The following CDK14 variants were observed in gnomAD, a reference collection of about 807,000 sequenced individuals.
CDK14 encodes cyclin dependent kinase 14, also known as cyclin-dependent kinase 14.
CDK14 carries 34 observed loss-of-function variants against 60.7 expected under a neutral mutation model. The observed-to-expected ratio is 0.56, with a 90% CI of 0.43 to 0.75. CDK14 has a LOEUF of 0.75. Ranked by LOEUF, CDK14 falls within the 30% of genes least tolerant of loss-of-function variation. CDK14 has a pLI of 0.00. For missense variants in CDK14, 482 were observed against 564.1 expected, an observed-to-expected ratio of 0.85 and a Z score of 1.47; for synonymous variants, 197 against 203.7, an observed-to-expected ratio of 0.97 and a Z score of 0.28.
intron 2 of CDK14, among the ~76,000 whole-genome samples, chr7:90,620,360 G>A (rs1799740976): frequency 6.6e-6 from 1 of 152,058 alleles, no homozygotes. Flanking sequence ...GCATGTCAGG[G>A]GCAATGACAA....
chr7:90,659,583 G>A (rs1217677211), intron 2 of CDK14, among the ~76,000 whole-genome samples: 3 of 152,024 alleles, frequency 2.0e-5, no homozygotes, highest in Non-Finnish European at 4.4e-5. Flanking sequence ...AATTTGGCCC[G>A]CAAGAATATT....
intron 13 of CDK14, among the ~76,000 whole-genome samples, chr7:91,117,549 C>A (rs1197028235): frequency 6.6e-6 from 1 of 152,132 alleles, no homozygotes; most frequent in Non-Finnish European, 1.5e-5. Flanking sequence ...GACCTCCTTC[C>A]ACCCTAAAAC....
intron 8 of CDK14, among the ~76,000 whole-genome samples, chr7:90,926,520 G>A (rs928475019): frequency 2.0e-5 from 3 of 152,126 alleles, no homozygotes; most frequent in Non-Finnish European, 2.9e-5. Context: ...TTAGGGCTCC[G>A]CAGTGCTGGG....
intron 2 of CDK14, among the ~76,000 whole-genome samples, chr7:90,675,498 T>C (rs1801182004): frequency 6.6e-6 from 1 of 152,216 alleles, no homozygotes; most frequent in Non-Finnish European, 1.5e-5. Context: ...CAGTTAACTT[T>C]GGCTATTTTA....
intron 5 of CDK14, among the ~76,000 whole-genome samples, chr7:90,794,039 A>G (rs1805942686): frequency 6.6e-6 from 1 of 152,114 alleles, no homozygotes; most frequent in Admixed American, 6.6e-5. Context: ...GGGAAAGAGT[A>G]CAAAAGAGAG....
intron 2 of CDK14, chr7:90,710,319 C>T: frequency 1.0e-6 from 1 of 985,240 alleles, no homozygotes; most frequent in Non-Finnish European, 1.2e-6. Flanking sequence ...TGAAAGAGAT[C>T]TTACATTTTT....
At chr7:91,028,014 A>G in intron 10 of CDK14, among the ~76,000 whole-genome samples, 1 of 123,168 alleles carries the variant, frequency 8.1e-6, no homozygotes, top group South Asian at 3.2e-4. Context: ...AGTGTATCCA[A>G]TAGGTGATTT....
At chr7:91,144,568 A>G (rs1049832382) in intron 14 of CDK14, among the ~76,000 whole-genome samples, 4 of 152,188 alleles carry the variant, frequency 2.6e-5, no homozygotes, top group Non-Finnish European at 5.9e-5. Flanking sequence ...ATGTTGACAC[A>G]AGGGAGAAGC....
At chr7:90,665,305 T>TA (rs1800953195) in intron 2 of CDK14, among the ~76,000 whole-genome samples, 3 of 151,230 alleles carry the variant, frequency 2.0e-5, no homozygotes, top group Non-Finnish European at 2.9e-5. Flanking sequence ...AATAAATAAA[T>TA]AATAAAAACA....
At chr7:90,931,701 C>T (rs761590127) in intron 8 of CDK14, among the ~76,000 whole-genome samples, 2 of 152,096 alleles carry the variant, frequency 1.3e-5, no homozygotes, top group Non-Finnish European at 2.9e-5. Flanking sequence ...ATAAAAATAC[C>T]ATGCTTGGTT....
chr7:90,684,015 A>T (rs1056299357), intron 2 of CDK14, among the ~76,000 whole-genome samples: 2 of 151,758 alleles, frequency 1.3e-5, no homozygotes, highest in Non-Finnish European at 2.9e-5. Context: ...AACTGTGTCC[A>T]CTTATAACCT....
intron 12 of CDK14, among the ~76,000 whole-genome samples, chr7:91,085,636 A>T (rs1247242822): frequency 6.6e-6 from 1 of 152,114 alleles, no homozygotes; most frequent in East Asian, 1.9e-4. Context: ...TTCCCATTCA[A>T]TCCGGAGTCA....
At chr7:90,763,850 G>A (rs1373518608) in intron 4 of CDK14, among the ~76,000 whole-genome samples, 1 of 152,098 alleles carries the variant, frequency 6.6e-6, no homozygotes, top group Non-Finnish European at 1.5e-5. Flanking sequence ...AAATGGCTTT[G>A]TATAGAGGGG....
At chr7:90,743,244 C>G (rs914322070) in intron 3 of CDK14, among the ~76,000 whole-genome samples, 1 of 152,002 alleles carries the variant, frequency 6.6e-6, no homozygotes, top group Non-Finnish European at 1.5e-5. Context: ...ATTAATATAT[C>G]TATCATCTCA....
chr7:91,040,580 C>T (rs1183652457), intron 10 of CDK14, among the ~76,000 whole-genome samples: 1 of 152,188 alleles, frequency 6.6e-6, no homozygotes, highest in South Asian at 2.1e-4. Flanking sequence ...AAATCCACAT[C>T]GCCACTGTAG....
Position 91,045,899 on chromosome 7 carries a change from T to A in CDK14, c.1044T>A (p.Val348=). The part of the protein sequence containing the change: ...IQDQLERIFL[V]LGTPNEDTWP... ...CACAATCTCCTACTCTCCACTAGGT[T>A]CTTGGAACACCAAATGAGGACACAT... is the stretch of plus-strand genomic sequence containing the variant. Residue 348 remains valine (V), a splice_region_variant and synonymous_variant, in exon 11 of 15, where the codon GTT becomes GTA. Transcript: ENST00000380050. The A allele has an allele frequency of 6.2e-7, 1 of 1,606,806 alleles. No individual in the cohort carries two copies. The highest frequency in any genetic ancestry group is 1.3e-5 in the African/African-American group (1 of 74,886).
At chr7:90,880,745 G>C (rs1468083562) in intron 6 of CDK14, among the ~76,000 whole-genome samples, 1 of 152,094 alleles carries the variant, frequency 6.6e-6, no homozygotes, top group Non-Finnish European at 1.5e-5. Flanking sequence ...CAACTTTGCT[G>C]CTCTGCAGCC....
At chr7:90,981,276 C>T (rs1474232654) in intron 9 of CDK14, among the ~76,000 whole-genome samples, 1 of 152,184 alleles carries the variant, frequency 6.6e-6, no homozygotes, top group Non-Finnish European at 1.5e-5. Context: ...TCATTGCATT[C>T]TAATATCTTA....
Position 91,209,514 on chromosome 7 carries a change from C to T in CDK14, c.*2378C>T, listed in dbSNP as rs1803003475. ...CCCTCTGCTTCTTTTCTCTTCTGCC[C>T]TCCTTGTGGGCAGTCATGAAAATCA... On this transcript the variant is annotated 3_prime_UTR_variant, in exon 15 of 15. Transcript: ENST00000380050. 1 of 152,446 alleles carries T rather than the reference C, an allele frequency of 6.6e-6. No individual in the cohort carries two copies. 9.4% of individuals were successfully genotyped at this position (152,446 alleles called of 1,614,324 possible).
Sources: gnomAD v4.1 joint callset for allele counts (sites outside exome capture counted in the v4.1 genomes callset) on GRCh38, gnomAD v4.1.1 for gene constraint, MANE v1.5 for transcripts, NCBI Gene and HGNC (gene_info 2026-07-23, HGNC 2026-07-21) for gene names.